The following VRK2 variants were observed in gnomAD, a reference collection of about 807,000 sequenced individuals.
The protein encoded by VRK2 is serine/threonine-protein kinase VRK2.
VRK2 carries 60 observed loss-of-function variants against 57.6 expected under a neutral mutation model. The observed-to-expected ratio is 1.04, with a 90% CI of 0.85 to 1.29. The LOEUF (loss-of-function observed/expected upper bound fraction) is 1.29. VRK2 is among the 50% of genes most tolerant of loss of function. The pLI is 0.00. For synonymous variants in VRK2, 231 were observed against 199.2 expected (o/e 1.16, Z -1.35); for missense variants, 705 against 588.1 (o/e 1.20, Z -2.06).
At chr2:57,932,614 T>C (rs1670766072) in intron 1 of VRK2, among the ~76,000 whole-genome samples, 1 of 152,106 alleles carries the variant, frequency 6.6e-6, no homozygotes. Context: ...AAGGTTATGT[T>C]GTTTCTCTTT....
chr2:57,969,965 C>A (rs1264005315), intron 1 of VRK2, among the ~76,000 whole-genome samples: 4 of 151,876 alleles, frequency 2.6e-5, no homozygotes, highest in Non-Finnish European at 5.9e-5. Flanking sequence ...CAGTTTCCCC[C>A]CCGTAACCTA....
chr2:57,990,499 G>T (rs75465463), intron 1 of VRK2, among the ~76,000 whole-genome samples: 1 of 152,066 alleles, frequency 6.6e-6, no homozygotes, highest in African/African-American at 2.4e-5. Flanking sequence ...ATACATTAAC[G>T]TTTGCCTTTC....
chr2:58,125,199 A>G (rs1301845048), intron 8 of VRK2, among the ~76,000 whole-genome samples: 1 of 152,094 alleles, frequency 6.6e-6, no homozygotes, highest in Non-Finnish European at 1.5e-5. Context: ...TCTAGTTTTG[A>G]GTAGTGGAAT....
intron 12 of VRK2, among the ~76,000 whole-genome samples, chr2:58,151,110 A>G (rs1682955072): frequency 6.6e-6 from 1 of 151,710 alleles, no homozygotes; most frequent in African/African-American, 2.4e-5. Flanking sequence ...ATAGTGTTCA[A>G]ATCTTATATA....
intron 1 of VRK2, among the ~76,000 whole-genome samples, chr2:58,012,194 A>G (rs965053561): frequency 2.6e-5 from 4 of 152,220 alleles, no homozygotes; most frequent in African/African-American, 9.6e-5. Flanking sequence ...ACCTTTGTTT[A>G]GCATATCATC....
At chr2:58,096,985 T>G (rs940545164) in intron 7 of VRK2, among the ~76,000 whole-genome samples, 1 of 152,044 alleles carries the variant, frequency 6.6e-6, no homozygotes, top group Non-Finnish European at 1.5e-5. Flanking sequence ...AATATTGTTT[T>G]TATTAATGCC....
chr2:58,135,126 C>T lies in VRK2; in HGVS notation c.798-15C>T, dbSNP rs1469939547. On this transcript the variant is annotated splice_polypyrimidine_tract_variant and intron_variant, in intron 9 of 12. Coordinates refer to ENST00000340157, the MANE Select transcript of VRK2 (RefSeq NM_006296.7). ...TGAAAACATGTTCATTGTGCATTAC[C>T]TTATTTTGTTTTAGTCTGTTGGACG... is the stretch of plus-strand genomic sequence containing the variant. The T allele has an allele frequency of 2.5e-6, 4 of 1,613,478 alleles. No individual in the cohort carries two copies. The African/African-American group carries it at 4.0e-5, about 16-fold the overall frequency.
chr2:57,974,505 C>CA lies in VRK2; in HGVS notation c.-438-51154dup, dbSNP rs572246980. ...TATTCTCTTATTACAGTGCAAAGAA[C>CA]AAAAAACTAAATATAAAATTATAAA... On this transcript the variant is annotated intron_variant, in intron 1 of 15. Coordinates refer to the VRK2 transcript ENST00000417641. Among the ~76,000 whole-genome samples the CA allele has an allele frequency of 4.5e-3, 687 of 151,446 alleles. 3 individuals are homozygous for CA. The highest frequency in any genetic ancestry group is 0.015 in the African/African-American group (618 of 41,356).
chr2:58,022,709 C>G (rs1673797425), intron 1 of VRK2, among the ~76,000 whole-genome samples: 1 of 152,064 alleles, frequency 6.6e-6, no homozygotes, highest in Non-Finnish European at 1.5e-5. Flanking sequence ...AACTTCATCT[C>G]TATAAAAATA....
intron 1 of VRK2, among the ~76,000 whole-genome samples, chr2:57,955,190 T>A (rs1178693082): frequency 1.3e-5 from 2 of 152,118 alleles, no homozygotes; most frequent in Non-Finnish European, 2.9e-5. Context: ...TTGAACAAGA[T>A]TAATTTAATA....
intron 2 of VRK2, among the ~76,000 whole-genome samples, chr2:58,073,613 A>G (rs1189397418): frequency 2.0e-5 from 3 of 147,834 alleles, no homozygotes; most frequent in Non-Finnish European, 4.5e-5. Context: ...TTAGGCTTCT[A>G]TAGAGGGGCA....
intron 1 of VRK2, 125 bp from the exon 2 acceptor site, chr2:58,048,702 T>G (rs1675250829): frequency 2.7e-6 from 4 of 1,499,918 alleles, no homozygotes; most frequent in Non-Finnish European, 3.6e-6. Context: ...TGAATTAACT[T>G]TAGAATCCTA....
intron 1 of VRK2, among the ~76,000 whole-genome samples, chr2:58,015,634 T>C (rs1309368805): frequency 1.3e-5 from 2 of 152,152 alleles, no homozygotes; most frequent in Admixed American, 6.5e-5. Context: ...TTTATGTGTA[T>C]AAAAAATAAA....
intron 7 of VRK2, among the ~76,000 whole-genome samples, chr2:58,099,456 C>T (rs537231063): frequency 7.2e-5 from 11 of 152,152 alleles, no homozygotes; most frequent in African/African-American, 1.7e-4. Context: ...TTATATTCCT[C>T]GCAGCATGTG....
chr2:58,146,928 T>G (rs1288612315), intron 12 of VRK2, among the ~76,000 whole-genome samples: 18 of 151,956 alleles, frequency 1.2e-4, no homozygotes. Flanking sequence ...GATGACTCAT[T>G]CAAGTAACAG....
chr2:58,020,657 A>G (rs1436098188), intron 1 of VRK2, among the ~76,000 whole-genome samples: 2 of 152,290 alleles, frequency 1.3e-5, no homozygotes, highest in Non-Finnish European at 2.9e-5. Context: ...AGACAGGCTC[A>G]TAAGAAATTG....
Position 58,137,631 on chromosome 2 carries a change from A to G in VRK2, c.857-2035A>G, listed in dbSNP as rs797003560. On this transcript the variant is annotated intron_variant, in intron 10 of 12. Coordinates refer to ENST00000340157, the MANE Select transcript of VRK2 (RefSeq NM_006296.7). ...ATGAAAATGAAGGAACTGATTTACA[A>G]AAGTTTATTACCGAAACATTTTATG... 9.2e-5 allele frequency among the ~76,000 whole-genome samples: 14 copies of G among 152,294 alleles called. 1 individual carries two copies. The highest frequency in any genetic ancestry group is 2.6e-4 in the Admixed American group (4 of 15,300).
rs1026276977 is a variant in VRK2 at position 57,980,458 on chromosome 2, G to C, written c.-438-45207G>C. On this transcript the variant is annotated intron_variant, in intron 1 of 15. Coordinates refer to the VRK2 transcript ENST00000417641. Reference sequence around the variant, plus strand: ...TGAGAATTGCTTTATAGCAGAGCATGTGGTCAACCTTGGAGTATGTGCTGT... The same window carrying C: ...TGAGAATTGCTTTATAGCAGAGCATCTGGTCAACCTTGGAGTATGTGCTGT... Among the ~76,000 whole-genome samples, 5 of 152,162 alleles carry C rather than the reference G, an allele frequency of 3.3e-5. No homozygotes were observed. The East Asian group carries it at 9.6e-4, about 29-fold the overall frequency.
At chr2:57,958,280 C>T (rs1351544042) in intron 1 of VRK2, among the ~76,000 whole-genome samples, 1 of 152,012 alleles carries the variant, frequency 6.6e-6, no homozygotes, top group Non-Finnish European at 1.5e-5. Context: ...ACCTTTTTAT[C>T]AGCTTCATTG....
Sources: gnomAD v4.1 joint callset for allele counts (sites outside exome capture counted in the v4.1 genomes callset) on GRCh38, gnomAD v4.1.1 for gene constraint, MANE v1.5 for transcripts, NCBI Gene and HGNC (gene_info 2026-07-23, HGNC 2026-07-21) for gene names.